Variants in LIN52 observed in about 807,000 individuals in gnomAD.
LIN52 encodes the protein protein lin-52 homolog.
In LIN52, 4 loss-of-function variants were observed where a neutral mutation model predicts 18.5. The ratio of observed to expected loss-of-function variants is 0.22; its 90% CI spans 0.11 to 0.49. The LOEUF (loss-of-function observed/expected upper bound fraction) is 0.49, where lower values mean the gene tolerates loss of function less well. Ranked by LOEUF, LIN52 falls within the 20% of genes least tolerant of loss-of-function variation. The pLI is 0.97. For synonymous variants in LIN52, 34 were observed against 45.5 expected (o/e 0.75, Z 1.02); for missense variants, 102 against 139.5 (o/e 0.73, Z 1.35).
chr14:74,174,706 A>G (rs551927079), intron 5 of LIN52: 1 of 152,110 alleles, frequency 6.6e-6, no homozygotes, highest in African/African-American at 2.4e-5. Context: ...CATGCCTGTG[A>G]ATAGCTGCTG....
intron 5 of LIN52, among the ~76,000 whole-genome samples, chr14:74,159,985 A>C (rs568893841): frequency 1.3e-5 from 2 of 152,256 alleles, no homozygotes; most frequent in African/African-American, 4.8e-5. Context: ...TTCAGCAGAG[A>C]GTTTCTATGA....
intron 5 of LIN52, among the ~76,000 whole-genome samples, chr14:74,105,379 C>T (rs2060890720): frequency 6.6e-6 from 1 of 152,150 alleles, no homozygotes; most frequent in South Asian, 2.1e-4. Context: ...TATCTTCTAC[C>T]TCAAAATTTG....
intron 5 of LIN52, among the ~76,000 whole-genome samples, chr14:74,172,495 T>C (rs2061276105): frequency 6.6e-6 from 1 of 152,242 alleles, no homozygotes; most frequent in African/African-American, 2.4e-5. Flanking sequence ...TTAATAATTA[T>C]GGTTCTTAGC....
chr14:74,172,812 A>G (rs1418642053), intron 5 of LIN52, among the ~76,000 whole-genome samples: 1 of 152,216 alleles, frequency 6.6e-6, no homozygotes, highest in Non-Finnish European at 1.5e-5. Flanking sequence ...CCATGTAACT[A>G]GTGTGGTGAT....
chr14:74,106,968 A>T (rs1462211741), intron 5 of LIN52, among the ~76,000 whole-genome samples: 1 of 152,222 alleles, frequency 6.6e-6, no homozygotes, highest in Non-Finnish European at 1.5e-5. Context: ...CATTACCCAT[A>T]GGATAAAATT....
chr14:74,147,806 G>C (rs977783737), intron 5 of LIN52, among the ~76,000 whole-genome samples: 1 of 152,104 alleles, frequency 6.6e-6, no homozygotes, highest in African/African-American at 2.4e-5. Context: ...AGTAGAATGG[G>C]GGTTGGGAGG....
intron 5 of LIN52, among the ~76,000 whole-genome samples, chr14:74,140,711 A>G (rs750811360): frequency 6.6e-6 from 1 of 152,128 alleles, no homozygotes. Flanking sequence ...TGCTTTGCCT[A>G]ATGAATTGTT....
rs558984223 is a variant in LIN52 at position 74,124,106 on chromosome 14, A to G, written c.283+22868A>G. Among the ~76,000 whole-genome samples, 5 of 152,268 alleles carry G rather than the reference A, an allele frequency of 3.3e-5. No individual in the cohort carries two copies. In the South Asian group the frequency reaches 1.0e-3, roughly 32 times the overall value. On this transcript the variant is annotated intron_variant, in intron 5 of 5. Transcript: ENST00000555028. ...GATCATGGACTTTATTCATTTCCAA[A>G]TTGTAATGTTCAGATATGTTACTGG...
At chr14:74,146,835 G>A (rs1404480236) in intron 5 of LIN52, among the ~76,000 whole-genome samples, 1 of 152,148 alleles carries the variant, frequency 6.6e-6, no homozygotes, top group African/African-American at 2.4e-5. Flanking sequence ...TAGCCATATA[G>A]ATCAATGGAA....
intron 3 of LIN52, 126 bp from the exon 4 acceptor site, chr14:74,097,668 C>A: frequency 1.6e-6 from 1 of 633,872 alleles, no homozygotes; most frequent in Non-Finnish European, 2.8e-6. Context: ...ACTCCTGACT[C>A]CTGACCTCAA....
At chr14:74,171,827 C>T (rs1032115220) in intron 5 of LIN52, among the ~76,000 whole-genome samples, 13 of 151,042 alleles carry the variant, frequency 8.6e-5, no homozygotes, top group Admixed American at 2.6e-4. Flanking sequence ...CAACCTCCAC[C>T]TCCCAGGTTC....
At chr14:74,132,975 G>A (rs2061076875) in intron 5 of LIN52, among the ~76,000 whole-genome samples, 1 of 151,842 alleles carries the variant, frequency 6.6e-6, no homozygotes, top group African/African-American at 2.4e-5. Flanking sequence ...TCAGATAGGA[G>A]CAAAATCGAA....
rs1331536898 is a variant in LIN52 at position 74,199,870 on chromosome 14, G to A, written c.*893G>A. Reference sequence around the variant, plus strand: ...TTAAAGTAACATGCTATGGGATGGTGGGATTGTCCCCTCTGACAGCACATA... The same window carrying A: ...TTAAAGTAACATGCTATGGGATGGTAGGATTGTCCCCTCTGACAGCACATA... On this transcript the variant is annotated 3_prime_UTR_variant, in exon 6 of 6. Transcript: ENST00000555028. 6.6e-6 allele frequency: 1 copy of A among 152,174 alleles called. No homozygotes were observed. The highest frequency in any genetic ancestry group is 1.5e-5 in the Non-Finnish European group (1 of 68,032). 9.4% of individuals were successfully genotyped at this position (152,174 alleles called of 1,614,324 possible).
At chr14:74,178,496 C>T (rs1452761168) in intron 5 of LIN52, among the ~76,000 whole-genome samples, 1 of 149,102 alleles carries the variant, frequency 6.7e-6, no homozygotes, top group African/African-American at 2.5e-5. Flanking sequence ...CTTGCTCTGT[C>T]GCCCAGGCTG....
chr14:74,173,621 G>A (rs2061280401), intron 5 of LIN52, among the ~76,000 whole-genome samples: 1 of 152,070 alleles, frequency 6.6e-6, no homozygotes, highest in African/African-American at 2.4e-5. Context: ...AAATCTAATT[G>A]TATCCTGACT....
At chr14:74,104,402 T>C (rs1212119578) in intron 5 of LIN52, among the ~76,000 whole-genome samples, 1 of 152,130 alleles carries the variant, frequency 6.6e-6, no homozygotes, top group African/African-American at 2.4e-5. Flanking sequence ...GAAATCTTTT[T>C]TAGCCTGTCA....
chr14:74,123,877 G>T (rs754978226), intron 5 of LIN52, among the ~76,000 whole-genome samples: 3 of 152,150 alleles, frequency 2.0e-5, no homozygotes, highest in Non-Finnish European at 4.4e-5. Flanking sequence ...GTTATTGGAA[G>T]TAGATCTGTT....
chr14:74,089,425 G>A (rs2139844278), intron 1 of LIN52, among the ~76,000 whole-genome samples: 1 of 150,672 alleles, frequency 6.6e-6, no homozygotes, highest in South Asian at 2.1e-4. Flanking sequence ...CTGGAGTGCA[G>A]TGGTGTGACC....
chr14:74,113,585 A>C (rs527360499), intron 5 of LIN52, among the ~76,000 whole-genome samples: 172 of 152,122 alleles, frequency 1.1e-3, no homozygotes, highest in African/African-American at 4.0e-3. Flanking sequence ...ACTAGGAAGG[A>C]GATAGAGGGG....
Sources: gnomAD v4.1 joint callset for allele counts (sites outside exome capture counted in the v4.1 genomes callset) on GRCh38, gnomAD v4.1.1 for gene constraint, MANE v1.5 for transcripts, NCBI Gene and HGNC (gene_info 2026-07-23, HGNC 2026-07-21) for gene names.